Variants in CFAP206 observed in about 807,000 individuals in gnomAD.
CFAP206 encodes cilia and flagella associated protein 206.
CFAP206 carries 53 observed loss-of-function variants against 65.4 expected under a neutral mutation model. The ratio of observed to expected loss-of-function variants is 0.81; its 90% confidence interval spans 0.65 to 1.02. CFAP206 has a LOEUF of 1.02. Among genes scored for constraint, CFAP206 ranks in the 50% least tolerant of loss-of-function variants. The pLI is 0.00. For missense variants in CFAP206, 663 were observed against 753.2 expected (o/e 0.88, Z 1.40); for synonymous variants, 250 against 254.4 (o/e 0.98, Z 0.17).
Position 87,461,096 on chromosome 6 carries a change from A to C in CFAP206, c.1569A>C (p.Ile523=), listed in dbSNP as rs998822613. Reference sequence around the variant, plus strand: ...GTAGCACACAGACGAATACACACATACTGCCACCAACGATTGTGAGATCAT... The same window carrying C: ...GTAGCACACAGACGAATACACACATCCTGCCACCAACGATTGTGAGATCAT... ...CESSTQTNTH[I]LPPTIVRSYE... Residue 523 remains isoleucine (I), a synonymous_variant, in exon 12 of 13, where the codon ATA becomes ATC. Coordinates refer to ENST00000369562, the MANE Select transcript of CFAP206 (RefSeq NM_001031743.3). 1.3e-6 allele frequency: 2 copies of C among 1,594,098 alleles called. No homozygotes were observed. The highest frequency in any genetic ancestry group is 3.6e-5 in the Admixed American group (2 of 55,070).
At chr6:87,418,077 C>G (rs1767866017) in intron 6 of CFAP206, 131 bp from the exon 7 acceptor site, 8 of 792,082 alleles carry the variant, frequency 1.0e-5, no homozygotes, top group Non-Finnish European at 1.6e-5. Context: ...AAACACATGC[C>G]TCATTATTAC....
chr6:87,423,523 A>G (rs558536284), intron 7 of CFAP206, among the ~76,000 whole-genome samples: 16 of 152,372 alleles, frequency 1.1e-4, no homozygotes, highest in African/African-American at 3.8e-4. Context: ...TGCTGGGATT[A>G]CAGGCGTGAG....
chr6:87,429,815 G>A (rs913137597), intron 9 of CFAP206, among the ~76,000 whole-genome samples: 1 of 152,028 alleles, frequency 6.6e-6, no homozygotes, highest in East Asian at 1.9e-4. Flanking sequence ...AAATATAGCA[G>A]TCATTTCCCA....
At chr6:87,435,149 A>C (rs1292005410) in intron 11 of CFAP206, 96 bp downstream of exon 11, 3 of 839,284 alleles carry the variant, frequency 3.6e-6, no homozygotes. Flanking sequence ...AGGTCCACAC[A>C]GAGAGAGTCA....
At chr6:87,463,034 G>C (rs1768771063) in intron 12 of CFAP206, among the ~76,000 whole-genome samples, 1 of 152,210 alleles carries the variant, frequency 6.6e-6, no homozygotes, top group Non-Finnish European at 1.5e-5. Context: ...AGGTGGACTG[G>C]GGGTAGGATG....
chr6:87,441,796 G>T (rs777114317), intron 11 of CFAP206: 4 of 251,844 alleles, frequency 1.6e-5, no homozygotes, highest in Non-Finnish European at 2.4e-5. Context: ...TGGTGAGAAG[G>T]CTTCATGAAA....
rs1767781346 is a variant in CFAP206, at chr6:87,413,902, TA to T, written c.283+4del. 1 of 1,465,878 alleles carries T rather than the reference TA, an allele frequency of 6.8e-7. No homozygotes were observed. The highest frequency in any genetic ancestry group is 9.1e-7 in the Non-Finnish European group (1 of 1,093,678). The allele number at this position is 1,465,878 out of a possible 1,614,324, so 90.8% of individuals were successfully genotyped here. ...TCGATATGAATTATACGAATCGAGGTAATGTATACTACCTATTTTTATACTT... is the reference window on the plus strand; with the variant it reads ...TCGATATGAATTATACGAATCGAGGTATGTATACTACCTATTTTTATACTT... On this transcript the variant is annotated splice_donor_region_variant and intron_variant, in intron 4 of 12. Coordinates refer to ENST00000369562, the MANE Select transcript of CFAP206 (RefSeq NM_001031743.3).
chr6:87,450,475 A>ATGTGTGTGTGTGTGTGTG (rs55870560), intron 11 of CFAP206, among the ~76,000 whole-genome samples: 7 of 130,358 alleles, frequency 5.4e-5, no homozygotes, highest in Non-Finnish European at 8.0e-5. Context: ...ATAAATGAAA[A>ATGTGTGTGTGTGTGTGTG]TGTGTGTGTG....
chr6:87,408,416 T>C (rs953720145), intron 1 of CFAP206: 4 of 152,272 alleles, frequency 2.6e-5, no homozygotes, highest in African/African-American at 9.7e-5. Flanking sequence ...GCAGGGAAGG[T>C]GCTGAGCCGC....
At chr6:87,431,334 A>G (rs1177492270) in intron 10 of CFAP206, among the ~76,000 whole-genome samples, 161 bp downstream of exon 10, 2 of 152,230 alleles carry the variant, frequency 1.3e-5, no homozygotes, top group Non-Finnish European at 2.9e-5. Context: ...TTCATTTTGG[A>G]GGTGCTCTGG....
chr6:87,459,768 A>G (rs1462534027), intron 11 of CFAP206, among the ~76,000 whole-genome samples: 2 of 152,198 alleles, frequency 1.3e-5, no homozygotes, highest in Non-Finnish European at 2.9e-5. Context: ...TACCCCAAGG[A>G]CAGTGAAAGG....
chr6:87,445,029 G>C, intron 11 of CFAP206: 1 of 519,500 alleles, frequency 1.9e-6, no homozygotes. Context: ...ATGTAGAATG[G>C]TCAAGAGAGG....
In CFAP206 at chr6:87,431,093, C is replaced by A. The variant is rs117649467; in HGVS notation, c.1220C>A (p.Ala407Glu). The change falls in exon 10 of 13, where the codon GCA becomes GAA. Residue 407 changes from alanine (A) to glutamate (E), a missense_variant. Coordinates refer to ENST00000369562, the MANE Select transcript of CFAP206 (RefSeq NM_001031743.3). ...KLEWLFPETT[A>E]NFDKLLIQYR... ...GAATGGCTTTTCCCAGAAACAACAG[C>A]AAATTTTGATAAACTGTTAATTCAA... 55,794 of 1,613,448 alleles carry A rather than the reference C, an allele frequency of 0.035. 1,242 individuals are homozygous for A. The highest frequency in any genetic ancestry group is 0.056 in the South Asian group (5,129 of 90,972).
At chr6:87,444,387 G>C (rs114109577) in intron 11 of CFAP206, 1 of 219,670 alleles carries the variant, frequency 4.6e-6, no homozygotes, top group East Asian at 1.1e-4. Flanking sequence ...TTATTTATCA[G>C]AAGGGCATTA....
chr6:87,409,023 T>TTATG (rs1767678937), intron 1 of CFAP206, among the ~76,000 whole-genome samples: 5 of 151,742 alleles, frequency 3.3e-5, no homozygotes, highest in Admixed American at 3.3e-4. Context: ...AGTAAATGCT[T>TTATG]TTTTTTATCG....
chr6:87,463,288 C>A (rs781225285), intron 12 of CFAP206, among the ~76,000 whole-genome samples: 1 of 152,156 alleles, frequency 6.6e-6, no homozygotes, highest in African/African-American at 2.4e-5. Context: ...ATAGTAAAGT[C>A]ATATTAATGT....
intron 11 of CFAP206, among the ~76,000 whole-genome samples, chr6:87,445,386 G>T (rs1188202315): frequency 1.3e-5 from 2 of 151,762 alleles, no homozygotes; most frequent in Admixed American, 6.6e-5. Flanking sequence ...AAGCCCCACT[G>T]TGTGTTGTTC....
intron 5 of CFAP206, 67 bp downstream of exon 5, chr6:87,415,941 G>T: frequency 1.3e-5 from 14 of 1,076,050 alleles, no homozygotes; most frequent in Admixed American, 3.2e-5. Flanking sequence ...TATAAAACAT[G>T]TTAAATTAGA....
At chr6:87,436,198 G>A (rs1040829891) in intron 11 of CFAP206, 7 of 147,120 alleles carry the variant, frequency 4.8e-5, no homozygotes, top group African/African-American at 1.8e-4. Flanking sequence ...CAATTCTCCT[G>A]TCTCAACTTT....
Sources: gnomAD v4.1 joint callset for allele counts (sites outside exome capture counted in the v4.1 genomes callset) on GRCh38, gnomAD v4.1.1 for gene constraint, MANE v1.5 for transcripts, NCBI Gene and HGNC (gene_info 2026-07-23, HGNC 2026-07-21) for gene names.